The following VAC14 variants were observed in gnomAD, a reference collection of about 807,000 sequenced individuals.
The protein encoded by VAC14 is protein VAC14 homolog.
Under a neutral mutation model 85.3 loss-of-function variants are expected in VAC14, and 47 were observed. The observed-to-expected ratio is 0.55, with a 90% CI of 0.44 to 0.70. VAC14 has a LOEUF of 0.70. Among genes scored for constraint, VAC14 ranks in the 30% least tolerant of loss-of-function variants. The pLI is 0.00. For synonymous variants in VAC14, 447 were observed against 430.5 expected, an observed-to-expected ratio of 1.04 and a Z score of -0.47; for missense variants, 861 against 1,004.3, an observed-to-expected ratio of 0.86 and a Z score of 1.93.
chr16:70,765,275 T>C (rs1325254936), intron 10 of VAC14, among the ~76,000 whole-genome samples: 1 of 152,172 alleles, frequency 6.6e-6, no homozygotes, highest in Non-Finnish European at 1.5e-5. Flanking sequence ...GCCTTGTTTT[T>C]CCTTGTTTCC....
intron 12 of VAC14, among the ~76,000 whole-genome samples, chr16:70,751,420 C>G (rs2031377608): frequency 6.6e-6 from 1 of 152,246 alleles, no homozygotes; most frequent in Non-Finnish European, 1.5e-5. Flanking sequence ...CTGGAGCGGT[C>G]AGGTCGCAGG....
chr16:70,713,483 G>A (rs4985419), intron 14 of VAC14, among the ~76,000 whole-genome samples: 85,053 of 152,004 alleles, frequency 0.56, 25,082 homozygotes, highest in Non-Finnish European at 0.65. Context: ...CTTTCCAGAC[G>A]TCCTTCCCCT....
chr16:70,741,456 C>CT (rs2030298206), intron 13 of VAC14, among the ~76,000 whole-genome samples: 1 of 152,220 alleles, frequency 6.6e-6, no homozygotes, highest in Non-Finnish European at 1.5e-5. Context: ...TTAAGCTGAC[C>CT]TTTTAAAATC....
chr16:70,695,678 C>G (rs2053691936), intron 16 of VAC14, 55 bp from the exon 17 acceptor site: 15 of 1,543,010 alleles, frequency 9.7e-6, no homozygotes, highest in Non-Finnish European at 1.1e-5. Context: ...CCGCAGCTCA[C>G]AGCACCACAC....
At position 70,763,098 on chromosome 16, in the gene VAC14, C is replaced by A. The variant is rs2032537466; in HGVS notation, c.1161-73G>T. 3 of 1,597,230 alleles carry A rather than the reference C, an allele frequency of 1.9e-6. No homozygotes were observed. The South Asian group carries it at 3.4e-5, about 18-fold the overall frequency. On this transcript the variant is annotated intron_variant, in intron 10 of 18. Transcript: ENST00000261776. ...CCTCTCCCATGGAGTCATGGCACCACCCTGGGCCTGCACATCCTGAGTCAC... is the reference window on the plus strand; with the variant it reads ...CCTCTCCCATGGAGTCATGGCACCAACCTGGGCCTGCACATCCTGAGTCAC...
intron 14 of VAC14, chr16:70,700,035 C>A (rs2053792912): frequency 6.6e-6 from 1 of 152,116 alleles, no homozygotes. Flanking sequence ...TGGTGGGAGG[C>A]CTGAAACACC....
At position 70,737,828 on chromosome 16, in the gene VAC14, T is replaced by C. The variant is rs149782064; in HGVS notation, c.1529-6201A>G. Among the ~76,000 whole-genome samples, 3 of 152,324 alleles carry C rather than the reference T, an allele frequency of 2.0e-5. No homozygotes were observed. In the East Asian group the frequency reaches 5.8e-4, roughly 29 times the overall value. ...TAAAAATAACCCTGGCTTCAGTACATAACGCGAGTTACAGTTCAACAGAAC... is the reference window on the plus strand; with the variant it reads ...TAAAAATAACCCTGGCTTCAGTACACAACGCGAGTTACAGTTCAACAGAAC... On this transcript the variant is annotated intron_variant, in intron 13 of 18. Coordinates refer to ENST00000261776, the MANE Select transcript of VAC14 (RefSeq NM_018052.5).
Position 70,723,235 on chromosome 16 carries a change from AAAG to A in VAC14, c.1661+8257_1661+8259del, listed in dbSNP as rs1374526130. Among the ~76,000 whole-genome samples the A allele has an allele frequency of 2.0e-5, 3 of 152,020 alleles. No homozygotes were observed. In the East Asian group the frequency reaches 5.8e-4, roughly 29 times the overall value. On this transcript the variant is annotated intron_variant, in intron 14 of 18. Transcript: ENST00000261776. ...AGACCCTGTCTCAAAAGAAAAAAAAAAAGATTTACCAAGTGCAAGAAAAATGCA... is the reference window on the plus strand; with the variant it reads ...AGACCCTGTCTCAAAAGAAAAAAAAAATTTACCAAGTGCAAGAAAAATGCA...
chr16:70,715,094 G>GC (rs2054133263), intron 14 of VAC14: 1 of 152,268 alleles, frequency 6.6e-6, no homozygotes, highest in Non-Finnish European at 1.5e-5. Context: ...TGGCTCACAG[G>GC]GTACCTCAGA....
At chr16:70,795,814 A>G (rs2034521930) in intron 1 of VAC14, among the ~76,000 whole-genome samples, 1 of 152,228 alleles carries the variant, frequency 6.6e-6, no homozygotes. Flanking sequence ...TCAGGGAGGT[A>G]GAACCACAGA....
chr16:70,786,560 T>C (rs2034069736), intron 1 of VAC14, 195 bp from the exon 2 acceptor site: 1 of 640,128 alleles, frequency 1.6e-6, no homozygotes, highest in East Asian at 2.8e-5. Flanking sequence ...AGTTTCCCTT[T>C]GTGTACAATG....
At chr16:70,764,684 T>C (rs1340367899) in intron 10 of VAC14, among the ~76,000 whole-genome samples, 4 of 152,256 alleles carry the variant, frequency 2.6e-5, no homozygotes, top group Non-Finnish European at 5.9e-5. Flanking sequence ...TAACAGTGAA[T>C]GTAAACATTC....
rs527766790 is a variant in VAC14, at chr16:70,725,385, C to T, written c.1661+6110G>A. Among the ~76,000 whole-genome samples, 4 of 152,336 alleles carry T rather than the reference C, an allele frequency of 2.6e-5. No homozygotes were observed. In the East Asian group the frequency reaches 5.8e-4, roughly 22 times the overall value. On this transcript the variant is annotated intron_variant, in intron 14 of 18. Coordinates refer to ENST00000261776, the MANE Select transcript of VAC14 (RefSeq NM_018052.5). ...GGCCCTGTCCACAGGGCAGAATGCA[C>T]GAGGCCAGCAAAGTGGAATTTCCCA...
In VAC14 at chr16:70,800,961, C is replaced by A; in HGVS notation, c.-61G>T. 1 of 1,297,534 alleles carries A rather than the reference C, an allele frequency of 7.7e-7. No homozygotes were observed. The highest frequency in any genetic ancestry group is 1.0e-6 in the Non-Finnish European group (1 of 958,482). The allele number at this position is 1,297,534 out of a possible 1,614,324, so 80.4% of individuals were successfully genotyped here. On this transcript the variant is annotated 5_prime_UTR_variant, in exon 1 of 19. Coordinates refer to ENST00000261776, the MANE Select transcript of VAC14 (RefSeq NM_018052.5). ...CGCGGCTGCCGGGGCCGCGCCGGGGCCAGGGGAGTCTGCGGCTCCGCTCTG... is the reference window on the plus strand; with the variant it reads ...CGCGGCTGCCGGGGCCGCGCCGGGGACAGGGGAGTCTGCGGCTCCGCTCTG...
chr16:70,770,406 G>A (rs114563977), intron 10 of VAC14: 1 of 152,322 alleles, frequency 6.6e-6, no homozygotes, highest in Non-Finnish European at 1.5e-5. Flanking sequence ...ACTGTCCACA[G>A]AGCAGCCCCG....
intron 17 of VAC14, among the ~76,000 whole-genome samples, chr16:70,694,918 G>A (rs181102764): frequency 1.3e-5 from 2 of 152,334 alleles, no homozygotes; most frequent in Admixed American, 6.5e-5. Flanking sequence ...GAGAGCCAGA[G>A]CAGAGGCAGC....
chr16:70,797,076 A>T (rs1241266076), intron 1 of VAC14, among the ~76,000 whole-genome samples: 1 of 152,188 alleles, frequency 6.6e-6, no homozygotes, highest in Non-Finnish European at 1.5e-5. Context: ...AAAATAAATT[A>T]AAAAATTAAA....
intron 9 of VAC14, chr16:70,772,452 G>T: frequency 2.7e-6 from 1 of 372,892 alleles, no homozygotes; most frequent in Non-Finnish European, 4.9e-6. Context: ...TGGCCTGAGG[G>T]GAATGGATGT....
chr16:70,788,160 A>G (rs2034156511), intron 1 of VAC14, among the ~76,000 whole-genome samples: 1 of 152,256 alleles, frequency 6.6e-6, no homozygotes, highest in Non-Finnish European at 1.5e-5. Context: ...GTTCCAGCTC[A>G]GGAGCTTTCT....
Sources: gnomAD v4.1 joint callset for allele counts (sites outside exome capture counted in the v4.1 genomes callset) on GRCh38, gnomAD v4.1.1 for gene constraint, MANE v1.5 for transcripts, NCBI Gene and HGNC (gene_info 2026-07-23, HGNC 2026-07-21) for gene names.